The following ZNF627 variants were observed in gnomAD, a reference collection of about 807,000 sequenced individuals.
ZNF627 encodes the protein zinc finger protein 627.
ZNF627 carries 12 observed loss-of-function variants against 10.6 expected under a neutral mutation model. The observed-to-expected ratio is 1.13, with a 90% CI of 0.73 to 1.84. ZNF627 has a LOEUF of 1.84. Among genes scored for constraint, ZNF627 ranks in the 40% most tolerant of loss-of-function variants. The pLI is 0.00. For synonymous variants in ZNF627, 176 were observed against 187.1 expected, an observed-to-expected ratio of 0.94 and a Z score of 0.48; for missense variants, 504 against 568.4, an observed-to-expected ratio of 0.89 and a Z score of 1.15.
chr19:11,609,798 G>A (rs994222490), intron 1 of ZNF627, among the ~76,000 whole-genome samples: 11 of 151,950 alleles, frequency 7.2e-5, no homozygotes, highest in Admixed American at 3.3e-4. Flanking sequence ...GACTGCAGGC[G>A]TGAGCCACCG....
At chr19:11,614,166 C>T (rs547853419) in intron 1 of ZNF627, among the ~76,000 whole-genome samples, 8 of 151,482 alleles carry the variant, frequency 5.3e-5, no homozygotes, top group East Asian at 3.9e-4. Flanking sequence ...GTGATCCACC[C>T]GCCTCGGCCT....
rs373440719 is a variant in ZNF627, at chr19:11,617,412, A to G, written c.909A>G (p.Gly303=). ...SVRSHERTHT[G]EKLFECKECG... ...GAAGTCACGAGAGGACTCACACCGG[A>G]GAGAAACTTTTTGAATGTAAGGAAT... is the stretch of plus-strand genomic sequence containing the variant. The change falls in exon 4 of 4, where the codon GGA becomes GGG. Residue 303 remains glycine (G), a synonymous_variant. Transcript: ENST00000361113. The G allele has an allele frequency of 2.0e-5, 32 of 1,613,934 alleles. No individual in the cohort carries two copies. Among genetic ancestry groups the G allele is most frequent in the African/African-American group, 4.0e-5 (3 of 74,926 alleles).
At chr19:11,604,469 A>T (rs984807692) in intron 1 of ZNF627, 2 of 152,228 alleles carry the variant, frequency 1.3e-5, no homozygotes, top group African/African-American at 4.8e-5. Flanking sequence ...GGGTGACAAC[A>T]GGGAGTGGCC....
chr19:11,597,568 G>A lies in ZNF627; in HGVS notation c.-60G>A. 3.1e-6 allele frequency: 4 copies of A among 1,311,082 alleles called. No homozygotes were observed. Among genetic ancestry groups the A allele is most frequent in the South Asian group, 3.1e-5 (1 of 32,554 alleles). 81.2% of individuals were successfully genotyped at this position (1,311,082 alleles called of 1,614,324 possible). ...TCTCCGCCGCAGCCTCTGTCGCGCC[G>A]TGACCTGTACAGGTCGCGGGAGTCG... On this transcript the variant is annotated 5_prime_UTR_variant, in exon 1 of 4. In the 5' UTR this introduces an upstream ATG that the reference lacks. Coordinates refer to ENST00000361113, the MANE Select transcript of ZNF627 (RefSeq NM_145295.4).
chr19:11,614,204 G>A (rs1056948530), intron 1 of ZNF627, among the ~76,000 whole-genome samples: 2 of 152,176 alleles, frequency 1.3e-5, no homozygotes, highest in Non-Finnish European at 2.9e-5. Flanking sequence ...ACAGGCGTGA[G>A]CCACCGCGCC....
chr19:11,597,758 C>T (rs889573738), intron 1 of ZNF627, 128 bp downstream of exon 1: 2 of 1,048,464 alleles, frequency 1.9e-6, no homozygotes, highest in Non-Finnish European at 2.5e-6. Flanking sequence ...GTTCCCTCGG[C>T]CGCAAGGTGG....
At chr19:11,605,994 G>A (rs1973667581) in intron 1 of ZNF627, among the ~76,000 whole-genome samples, 1 of 152,076 alleles carries the variant, frequency 6.6e-6, no homozygotes, top group Non-Finnish European at 1.5e-5. Context: ...GGGGCTAGAG[G>A]CCCTATGCAA....
At chr19:11,604,928 C>A (rs1973648065) in intron 1 of ZNF627, among the ~76,000 whole-genome samples, 1 of 151,990 alleles carries the variant, frequency 6.6e-6, no homozygotes, top group Non-Finnish European at 1.5e-5. Context: ...TAGGAGGAGT[C>A]TCTATAAACT....
In ZNF627 at chr19:11,597,509, C is replaced by T; in HGVS notation, c.-119C>T. 9.0e-7 allele frequency: 1 copy of T among 1,113,236 alleles called. No homozygotes were observed. Among genetic ancestry groups the T allele is most frequent in the Non-Finnish European group, 1.2e-6 (1 of 861,158 alleles). 69.0% of individuals were successfully genotyped at this position (1,113,236 alleles called of 1,614,324 possible). On this transcript the variant is annotated 5_prime_UTR_variant, in exon 1 of 4. Coordinates refer to ENST00000361113, the MANE Select transcript of ZNF627 (RefSeq NM_145295.4). ...TTTCTGGCGACCGTCCCCACCCGGG[C>T]TCGCGTCTCCGTTTCTCCGAGAGGC...
At chr19:11,606,852 G>A (rs1973684507) in intron 1 of ZNF627, among the ~76,000 whole-genome samples, 1 of 152,226 alleles carries the variant, frequency 6.6e-6, no homozygotes, top group African/African-American at 2.4e-5. Flanking sequence ...CCGAAGCCAT[G>A]ACCCGAATTG....
Position 11,618,186 on chromosome 19 carries a change from A to G in ZNF627, c.*297A>G. 3.2e-6 allele frequency: 1 copy of G among 312,554 alleles called. No homozygotes were observed. Among genetic ancestry groups the G allele is most frequent in the South Asian group, 9.8e-5 (1 of 10,154 alleles). 19.4% of individuals were successfully genotyped at this position (312,554 alleles called of 1,614,324 possible). ...GTAACCTATCTTACATGAGATTCGG[A>G]AGTAAGTTAAGAAGGCATTAGTCAT... is the stretch of plus-strand genomic sequence containing the variant. On this transcript the variant is annotated 3_prime_UTR_variant, in exon 4 of 4. Coordinates refer to ENST00000361113, the MANE Select transcript of ZNF627 (RefSeq NM_145295.4).
intron 1 of ZNF627, among the ~76,000 whole-genome samples, chr19:11,610,778 G>C (rs968867947): frequency 1.3e-5 from 2 of 152,144 alleles, no homozygotes; most frequent in Admixed American, 6.6e-5. Flanking sequence ...GCGCCTTTCT[G>C]TTTCATAGAT....
rs562522020 is a variant in ZNF627, at chr19:11,597,506, G to C, written c.-122G>C. The C allele has an allele frequency of 4.6e-6, 5 of 1,082,994 alleles. No individual in the cohort carries two copies. Among genetic ancestry groups the C allele is most frequent in the African/African-American group, 1.6e-5 (1 of 61,688 alleles). The allele number at this position is 1,082,994 out of a possible 1,614,324, so 67.1% of individuals were successfully genotyped here. ...TTGTTTCTGGCGACCGTCCCCACCC[G>C]GGCTCGCGTCTCCGTTTCTCCGAGA... is the stretch of plus-strand genomic sequence containing the variant. On this transcript the variant is annotated 5_prime_UTR_variant, in exon 1 of 4. Coordinates refer to ENST00000361113, the MANE Select transcript of ZNF627 (RefSeq NM_145295.4).
chr19:11,600,029 T>A (rs1973558118), intron 1 of ZNF627, among the ~76,000 whole-genome samples: 1 of 152,244 alleles, frequency 6.6e-6, no homozygotes, highest in Admixed American at 6.5e-5. Context: ...TTTTCTTTTT[T>A]AAGTAACTAT....
rs1336119154 is a variant in ZNF627 at position 11,617,864 on chromosome 19, C to A, written c.1361C>A (p.Ala454Asp). The stretch of plus-strand genomic sequence containing the variant: ...CCCTATGAGAACCCTAACCCTAACG[C>A]TTCAGTTGTCCCAGTTCTTTCATGA... ...EKPYENPNPN[A>D]SVVPVLS is the part of the protein sequence containing the mutation. The change falls in exon 4 of 4, where the codon GCT (alanine) becomes GAT (aspartate). Residue 454 changes from alanine (A) to aspartate (D), a missense_variant. Coordinates refer to ENST00000361113, the MANE Select transcript of ZNF627 (RefSeq NM_145295.4). The A allele has an allele frequency of 6.4e-7, 1 of 1,553,014 alleles. No homozygotes were observed. Among genetic ancestry groups the A allele is most frequent in the African/African-American group, 1.4e-5 (1 of 72,600 alleles).
Position 11,617,008 on chromosome 19 carries a change from TG to T in ZNF627, c.506del (p.Cys169LeufsTer12). ...TCATCCTGGAGGAAAGCCCTATGAT[TG>T]TAAGGAATGTGGAGAAACCTTTATT... ...RTHPGGKPYD[C>X]KECGETFISL... On this transcript the variant is annotated frameshift_variant, in exon 4 of 4. Transcript: ENST00000361113. LOFTEE classifies it low-confidence loss of function (END_TRUNC). The T allele has an allele frequency of 6.2e-7, 1 of 1,614,112 alleles. No individual in the cohort carries two copies. The highest frequency in any genetic ancestry group is 8.5e-7 in the Non-Finnish European group (1 of 1,180,008).
rs1301945290 is a variant in ZNF627 at position 11,617,590 on chromosome 19, T to C, written c.1087T>C (p.Tyr363His). The change falls in exon 4 of 4, where the codon TAT (tyrosine) becomes CAT (histidine). Residue 363 changes from tyrosine (Y) to histidine (H), a missense_variant. Tyr to His is a moderately conservative substitution (Grantham distance 83). Coordinates refer to ENST00000361113, the MANE Select transcript of ZNF627 (RefSeq NM_145295.4). ...AAGGACCCACACTGGAGAGAAACCCTATGATTGTAAGCAATGTGGGAAAGC... is the reference window on the plus strand; with the variant it reads ...AAGGACCCACACTGGAGAGAAACCCCATGATTGTAAGCAATGTGGGAAAGC... ...HERTHTGEKP[Y>H]DCKQCGKAFS... is the part of the protein sequence containing the mutation. The C allele has an allele frequency of 1.2e-6, 2 of 1,613,962 alleles. No individual in the cohort carries two copies. Among genetic ancestry groups the C allele is most frequent in the Non-Finnish European group, 1.7e-6 (2 of 1,179,972 alleles).
chr19:11,616,069 G>A (rs137956588), intron 3 of ZNF627, among the ~76,000 whole-genome samples: 2,112 of 134,100 alleles, frequency 0.016, 85 homozygotes, highest in East Asian at 0.16. Context: ...ACAGAGTTTC[G>A]CTCTTGTTGC....
chr19:11,608,071 G>T (rs183612487), intron 1 of ZNF627, among the ~76,000 whole-genome samples: 123 of 152,284 alleles, frequency 8.1e-4, no homozygotes, highest in Non-Finnish European at 1.4e-3. Flanking sequence ...ACTTAATCAT[G>T]ACGGAAGGAA....
Sources: allele counts gnomAD v4.1 joint callset (sites outside exome capture counted in the v4.1 genomes callset), GRCh38; gene constraint gnomAD v4.1.1; transcripts MANE v1.5; gene names NCBI Gene and HGNC (gene_info 2026-07-23, HGNC 2026-07-21).